The following GRAMD2B variants were observed in gnomAD, a reference collection of about 807,000 sequenced individuals.
GRAMD2B encodes GRAM domain-containing protein 2B.
A neutral mutation model predicts 59.2 loss-of-function variants in GRAMD2B; 41 were observed. The observed-to-expected ratio is 0.69, with a 90% CI of 0.54 to 0.90. GRAMD2B has a LOEUF of 0.90. Among genes scored for constraint, GRAMD2B ranks in the 40% least tolerant of loss-of-function variants. GRAMD2B has a pLI of 0.00. For missense variants in GRAMD2B, 424 were observed against 500.5 expected, an observed-to-expected ratio of 0.85 and a Z score of 1.46; for synonymous variants, 161 against 182.7, an observed-to-expected ratio of 0.88 and a Z score of 0.96.
intron 11 of GRAMD2B, among the ~76,000 whole-genome samples, chr5:126,486,299 T>G (rs991643561): frequency 6.6e-6 from 1 of 152,242 alleles, no homozygotes; most frequent in Admixed American, 6.5e-5. Context: ...TCTATCTAGC[T>G]ATAATTTTGT....
At chr5:126,462,419 T>C in intron 1 of GRAMD2B, 1 of 985,348 alleles carries the variant, frequency 1.0e-6, no homozygotes, top group Non-Finnish European at 1.2e-6. Flanking sequence ...ATAGTTTCAG[T>C]CTGCTGCTGA....
At chr5:126,480,242 T>C in intron 6 of GRAMD2B, 1 of 527,422 alleles carries the variant, frequency 1.9e-6, no homozygotes, top group Non-Finnish European at 3.3e-6. Flanking sequence ...AAATTGGGTT[T>C]GAAGATTTTG....
chr5:126,467,587 A>G (rs1256699649), intron 2 of GRAMD2B: 1 of 152,206 alleles, frequency 6.6e-6, no homozygotes, highest in Non-Finnish European at 1.5e-5. Context: ...TGCCCATTCC[A>G]TTAACATTTA....
chr5:126,452,962 C>T (rs1488042617), intron 1 of GRAMD2B, among the ~76,000 whole-genome samples: 3 of 152,112 alleles, frequency 2.0e-5, no homozygotes, highest in Non-Finnish European at 4.4e-5. Context: ...CTAGTTCTTT[C>T]CTAAACACAG....
At chr5:126,427,495 T>C (rs757361615) in intron 1 of GRAMD2B, among the ~76,000 whole-genome samples, 3 of 152,160 alleles carry the variant, frequency 2.0e-5, no homozygotes, top group Non-Finnish European at 4.4e-5. Flanking sequence ...ACATTTGAAC[T>C]TTAATAACTT....
chr5:126,385,303 C>A (rs2149709843), intron 1 of GRAMD2B, among the ~76,000 whole-genome samples: 1 of 152,158 alleles, frequency 6.6e-6, no homozygotes, highest in South Asian at 2.1e-4. Flanking sequence ...CTCAGCAATC[C>A]CAAATATTTT....
At chr5:126,466,283 T>C (rs1312687950) in intron 2 of GRAMD2B, 4 of 1,547,024 alleles carry the variant, frequency 2.6e-6, no homozygotes, top group Non-Finnish European at 3.5e-6. Context: ...GCTTCCTTCC[T>C]GGCTTCCCAG....
At chr5:126,403,548 A>G (rs1758005083) in intron 1 of GRAMD2B, among the ~76,000 whole-genome samples, 1 of 151,968 alleles carries the variant, frequency 6.6e-6, no homozygotes, top group Non-Finnish European at 1.5e-5. Context: ...GGCTCAGCAG[A>G]AAAGAAAATG....
At chr5:126,424,366 T>C (rs891015087) in intron 1 of GRAMD2B, among the ~76,000 whole-genome samples, 6 of 152,260 alleles carry the variant, frequency 3.9e-5, no homozygotes, top group Non-Finnish European at 5.9e-5. Flanking sequence ...AAGTCACTTC[T>C]AATTCAGTCT....
chr5:126,404,847 A>ATT (rs933686611), intron 1 of GRAMD2B, among the ~76,000 whole-genome samples: 4 of 151,888 alleles, frequency 2.6e-5, no homozygotes. Flanking sequence ...CAGAAGAAGA[A>ATT]TTATACAACA....
At chr5:126,402,288 G>A (rs977146095) in intron 1 of GRAMD2B, among the ~76,000 whole-genome samples, 3 of 152,076 alleles carry the variant, frequency 2.0e-5, no homozygotes, top group South Asian at 2.1e-4. Flanking sequence ...TTCTCTCCAA[G>A]TGTACCATTC....
chr5:126,484,744 T>C (rs1772575065), intron 10 of GRAMD2B, among the ~76,000 whole-genome samples: 1 of 151,986 alleles, frequency 6.6e-6, no homozygotes, highest in African/African-American at 2.4e-5. Flanking sequence ...CCACAATGCC[T>C]AGCTAATTTT....
chr5:126,465,045 TCACACCTGCAGGAGGC>T, intron 1 of GRAMD2B: 1 of 1,023,890 alleles, frequency 9.8e-7, no homozygotes, highest in Non-Finnish European at 1.2e-6. Context: ...GCAGGAAGGC[TCACACCTGCAGGAGGC>T]CACACGTGAG....
chr5:126,433,781 A>T (rs1235429537), intron 1 of GRAMD2B: 1 of 152,252 alleles, frequency 6.6e-6, no homozygotes, highest in Non-Finnish European at 1.5e-5. Context: ...CTATAAAGTG[A>T]TGTGACTGAT....
chr5:126,489,969 A>G (rs1773618357), intron 13 of GRAMD2B, among the ~76,000 whole-genome samples: 1 of 152,206 alleles, frequency 6.6e-6, no homozygotes, highest in African/African-American at 2.4e-5. Context: ...GTTTTCCTAC[A>G]CTCAGTGTTA....
chr5:126,417,390 C>T (rs1303348735), intron 1 of GRAMD2B, among the ~76,000 whole-genome samples: 1 of 152,236 alleles, frequency 6.6e-6, no homozygotes, highest in Non-Finnish European at 1.5e-5. Flanking sequence ...AAGCTAGCCA[C>T]GTGGAGCACT....
chr5:126,484,654 G>A (rs570072321), intron 10 of GRAMD2B, 130 bp downstream of exon 10: 8 of 869,136 alleles, frequency 9.2e-6, no homozygotes, highest in Middle Eastern at 7.4e-4. Context: ...CATGATCTTG[G>A]CTCACTGCAA....
chr5:126,480,780 C>A (rs182570258), intron 8 of GRAMD2B, 73 bp downstream of exon 8: 2 of 1,361,590 alleles, frequency 1.5e-6, no homozygotes, highest in Non-Finnish European at 2.1e-6. Flanking sequence ...GTGCTTACAC[C>A]ATGACCAGGG....
upstream of GRAMD2B, among the ~76,000 whole-genome samples, chr5:126,366,492 G>T (rs1406967439): frequency 6.6e-6 from 1 of 152,192 alleles, no homozygotes; most frequent in East Asian, 1.9e-4. Flanking sequence ...ATTACCATCA[G>T]TAGTATTTTC....
Sources: allele counts gnomAD v4.1 joint callset (sites outside exome capture counted in the v4.1 genomes callset), GRCh38; gene constraint gnomAD v4.1.1; transcripts MANE v1.5; gene names NCBI Gene and HGNC (gene_info 2026-07-23, HGNC 2026-07-21).